The following ANGPT2 variants were observed in gnomAD, a reference collection of about 807,000 sequenced individuals.
The protein encoded by ANGPT2 is angiopoietin-2.
ANGPT2 carries 28 observed loss-of-function variants against 62.9 expected under a neutral mutation model. The observed-to-expected ratio is 0.44, with a 90% CI of 0.33 to 0.61. The LOEUF (loss-of-function observed/expected upper bound fraction) is 0.61. ANGPT2 is among the 20% of genes least tolerant of loss of function. The probability of loss-of-function intolerance (pLI) is 0.03; values close to 1 mark genes in which losing one functional copy is unlikely to be tolerated. For missense variants in ANGPT2, 727 were observed against 594.9 expected (o/e 1.22, Z -2.31); for synonymous variants, 284 against 207.8 (o/e 1.37, Z -3.15).
At chr8:6,507,470 G>A (rs117432685) in intron 8 of ANGPT2, 5 of 151,766 alleles carry the variant, frequency 3.3e-5, no homozygotes, top group Admixed American at 6.6e-5. Flanking sequence ...TAACTTGACA[G>A]CATTTGTCAC....
rs767462360 is a variant in ANGPT2 at position 6,519,882 on chromosome 8, A to T, written c.909T>A (p.Asn303Lys). 1.4e-4 allele frequency: 230 copies of T among 1,614,090 alleles called. 2 individuals carry two copies. In the South Asian group the frequency reaches 1.9e-3, roughly 13 times the overall value. Residue 303 changes from asparagine to lysine, a missense_variant, in exon 5 of 9, where the codon AAT becomes AAA. Transcript: ENST00000629816. The part of the protein sequence containing the change: ...TNGIYTLTFP[N>K]STEEIKAYCD... The stretch of plus-strand genomic sequence containing the variant: ...ACCTCACCTTGATCTCTTCTGTAGA[A>T]TTAGGGAATGTTAACGTGTAGATGC...
At chr8:6,511,766 G>T (rs1815152867) in intron 7 of ANGPT2, among the ~76,000 whole-genome samples, 1 of 152,032 alleles carries the variant, frequency 6.6e-6, no homozygotes, top group Non-Finnish European at 1.5e-5. Context: ...AAAATTGATT[G>T]CATTTCTAAA....
At chr8:6,545,851 A>G (rs1822488392) in intron 1 of ANGPT2, among the ~76,000 whole-genome samples, 1 of 152,254 alleles carries the variant, frequency 6.6e-6, no homozygotes, top group Non-Finnish European at 1.5e-5. Context: ...AGTGAAATCG[A>G]TTGAATTTAG....
At chr8:6,555,086 G>C (rs1263219189) in intron 1 of ANGPT2, among the ~76,000 whole-genome samples, 3 of 151,878 alleles carry the variant, frequency 2.0e-5, no homozygotes, top group African/African-American at 7.3e-5. Context: ...GGTTCATACT[G>C]GTATTCTAAA....
chr8:6,526,567 C>T (rs1204342148), intron 3 of ANGPT2, among the ~76,000 whole-genome samples: 1 of 152,136 alleles, frequency 6.6e-6, no homozygotes, highest in Non-Finnish European at 1.5e-5. Context: ...TTTTAAAAAT[C>T]TATTTGCTTT....
At chr8:6,555,601 A>G (rs189595833) in intron 1 of ANGPT2, among the ~76,000 whole-genome samples, 18 of 151,784 alleles carry the variant, frequency 1.2e-4, no homozygotes, top group Admixed American at 8.5e-4. Flanking sequence ...AGCTGAGACT[A>G]CAGGCATGTA....
chr8:6,554,830 A>G (rs1824309429), intron 1 of ANGPT2, among the ~76,000 whole-genome samples: 1 of 152,168 alleles, frequency 6.6e-6, no homozygotes, highest in Non-Finnish European at 1.5e-5. Flanking sequence ...TGGTTGCAGG[A>G]GGGGCTCTGG....
Position 6,503,003 on chromosome 8 carries a change from T to C in ANGPT2, c.*98A>G. 1 of 1,415,880 alleles carries C rather than the reference T, an allele frequency of 7.1e-7. No individual in the cohort carries two copies. Among genetic ancestry groups the C allele is most frequent in the Non-Finnish European group, 9.8e-7 (1 of 1,022,978 alleles). 87.7% of individuals were successfully genotyped at this position (1,415,880 alleles called of 1,614,324 possible). ...GTCAGCACCGAGCACACGCCCTCTG[T>C]GGTGGAAGAGGACACAGTGCGCAGC... On this transcript the variant is annotated 3_prime_UTR_variant, in exon 9 of 9. Coordinates refer to ENST00000629816, the MANE Select transcript of ANGPT2 (RefSeq NM_001118887.2).
In ANGPT2 at chr8:6,501,957, C is replaced by G. The variant is rs1812285292; in HGVS notation, c.*1144G>C. On this transcript the variant is annotated 3_prime_UTR_variant, in exon 9 of 9. Coordinates refer to ENST00000629816, the MANE Select transcript of ANGPT2 (RefSeq NM_001118887.2). ...TTTTTTTTTTCAGTTTGCTGATTGACATAAAAAAACTTACTAGTGTCAATT... is the reference window on the plus strand; with the variant it reads ...TTTTTTTTTTCAGTTTGCTGATTGAGATAAAAAAACTTACTAGTGTCAATT... The G allele has an allele frequency of 6.7e-6, 1 of 149,114 alleles. No homozygotes were observed. Among genetic ancestry groups the G allele is most frequent in the Non-Finnish European group, 1.5e-5 (1 of 67,426 alleles). The allele number at this position is 149,114 out of a possible 1,614,324, so 9.2% of individuals were successfully genotyped here. A position where few individuals can be genotyped will look rare whatever the true frequency, so the allele number is the denominator to read the frequency against.
chr8:6,531,525 C>A (rs1213186996), intron 2 of ANGPT2, among the ~76,000 whole-genome samples: 1 of 152,152 alleles, frequency 6.6e-6, no homozygotes, highest in Non-Finnish European at 1.5e-5. Context: ...CTCCTGACCT[C>A]AGGTGATCCA....
chr8:6,515,089 T>G (rs1815994140), intron 5 of ANGPT2, among the ~76,000 whole-genome samples: 1 of 152,046 alleles, frequency 6.6e-6, no homozygotes, highest in African/African-American at 2.4e-5. Context: ...GAGATTGCTG[T>G]TTTTTTAGAG....
intron 1 of ANGPT2, among the ~76,000 whole-genome samples, chr8:6,551,558 A>AT (rs1229848830): frequency 2.0e-5 from 3 of 152,036 alleles, no homozygotes; most frequent in Non-Finnish European, 2.9e-5. Flanking sequence ...ATTAGTCTTA[A>AT]TTTTTTTTAA....
chr8:6,542,007 C>CAAAAA (rs764731302), intron 1 of ANGPT2, among the ~76,000 whole-genome samples: 1 of 57,238 alleles, frequency 1.7e-5, no homozygotes, highest in African/African-American at 6.1e-5. Flanking sequence ...GACTCAATCT[C>CAAAAA]AAAAAAAAAA....
chr8:6,502,921 G>A lies in ANGPT2; in HGVS notation c.*180C>T. 1.5e-6 allele frequency: 1 copy of A among 659,322 alleles called. No individual in the cohort carries two copies. Among genetic ancestry groups the A allele is most frequent in the Non-Finnish European group, 2.5e-6 (1 of 392,472 alleles). 40.8% of individuals were successfully genotyped at this position (659,322 alleles called of 1,614,324 possible). ...TTAGGGTCTTGCTTTGGTCCGTTAA[G>A]TGATGCAAGTTTAAGTGATAAAGTT... On this transcript the variant is annotated 3_prime_UTR_variant, in exon 9 of 9. Transcript: ENST00000629816.
chr8:6,503,341 G>T, intron 8 of ANGPT2, 80 bp from the exon 9 acceptor site: 1 of 1,495,114 alleles, frequency 6.7e-7, no homozygotes, highest in Non-Finnish European at 9.2e-7. Context: ...CTCAGCTAAG[G>T]CAGGAGGCAC....
At chr8:6,523,277 A>G (rs1219170498) in intron 3 of ANGPT2, among the ~76,000 whole-genome samples, 5 of 152,254 alleles carry the variant, frequency 3.3e-5, no homozygotes, top group South Asian at 2.1e-4. Flanking sequence ...GATTACAGGC[A>G]TGAGCCACCA....
chr8:6,526,703 G>C (rs1021458636), intron 3 of ANGPT2, among the ~76,000 whole-genome samples: 1 of 152,118 alleles, frequency 6.6e-6, no homozygotes, highest in African/African-American at 2.4e-5. Flanking sequence ...TTTTGGTTAA[G>C]AATAAAGAAT....
intron 3 of ANGPT2, among the ~76,000 whole-genome samples, chr8:6,525,318 C>G (rs1183944397): frequency 1.3e-5 from 2 of 152,154 alleles, no homozygotes; most frequent in Non-Finnish European, 2.9e-5. Flanking sequence ...TGGTATCAAA[C>G]TCCTAGGTTC....
intron 2 of ANGPT2, among the ~76,000 whole-genome samples, chr8:6,531,224 G>C (rs1463790223): frequency 6.6e-6 from 1 of 151,516 alleles, no homozygotes; most frequent in African/African-American, 2.4e-5. Context: ...CATGTCTCTC[G>C]GTGAATTTTC....
Sources: gnomAD v4.1 joint callset for allele counts (sites outside exome capture counted in the v4.1 genomes callset) on GRCh38, gnomAD v4.1.1 for gene constraint, MANE v1.5 for transcripts, NCBI Gene and HGNC (gene_info 2026-07-23, HGNC 2026-07-21) for gene names.